PSD3: variants seen among roughly 807,000 people sequenced by gnomAD.
PSD3 encodes PH and SEC7 domain-containing protein 3.
PSD3 carries 49 observed loss-of-function variants against 105.5 expected under a neutral mutation model. That is an observed-to-expected ratio of 0.46 (90% CI 0.37 to 0.59). The LOEUF (loss-of-function observed/expected upper bound fraction) is 0.59. Among genes scored for constraint, PSD3 ranks in the 20% least tolerant of loss-of-function variants. The probability of loss-of-function intolerance (pLI) is 0.00; values close to 1 mark genes in which losing one functional copy is unlikely to be tolerated. For missense variants in PSD3, 1,561 were observed against 1,263.8 expected (o/e 1.24, Z -3.57); for synonymous variants, 557 against 457.8 (o/e 1.22, Z -2.77).
At chr8:18,704,530 G>T (rs1801777299) in intron 9 of PSD3, among the ~76,000 whole-genome samples, 2 of 152,264 alleles carry the variant, frequency 1.3e-5, no homozygotes, top group Admixed American at 1.3e-4. Context: ...TAGAGACAGG[G>T]TTTCCCCACG....
chr8:18,705,492 C>A (rs1050974174), intron 9 of PSD3, among the ~76,000 whole-genome samples: 1 of 136,482 alleles, frequency 7.3e-6, no homozygotes, highest in African/African-American at 2.9e-5. Context: ...GACCGTGCCA[C>A]TATACTTCAG....
At chr8:18,696,473 A>G (rs185460123) in intron 9 of PSD3, among the ~76,000 whole-genome samples, 5 of 152,336 alleles carry the variant, frequency 3.3e-5, no homozygotes, top group Admixed American at 3.3e-4. Context: ...TGCTCTTTCA[A>G]TTACTCTGTG....
chr8:18,673,606 G>A (rs1345462634), intron 9 of PSD3, among the ~76,000 whole-genome samples: 1 of 152,052 alleles, frequency 6.6e-6, no homozygotes, highest in Non-Finnish European at 1.5e-5. Context: ...CATTGTCCTG[G>A]GGATTCCCTC....
At chr8:19,008,507 T>C (rs1826803381) in intron 1 of PSD3, among the ~76,000 whole-genome samples, 2 of 152,216 alleles carry the variant, frequency 1.3e-5, no homozygotes, top group African/African-American at 2.4e-5. Context: ...ACTCTCCTAG[T>C]GTCCTATGAC....
chr8:18,990,193 T>A (rs768580879), intron 1 of PSD3, among the ~76,000 whole-genome samples: 1 of 152,232 alleles, frequency 6.6e-6, no homozygotes, highest in Non-Finnish European at 1.5e-5. Context: ...TCACAGGGCA[T>A]CCAGAGTGAT....
At chr8:18,789,921 T>A (rs1447986611) in intron 8 of PSD3, among the ~76,000 whole-genome samples, 1 of 152,148 alleles carries the variant, frequency 6.6e-6, no homozygotes, top group African/African-American at 2.4e-5. Context: ...AAGCTTACAG[T>A]GATAAGAAGA....
At chr8:18,669,295 C>A (rs1232038155) in intron 9 of PSD3, among the ~76,000 whole-genome samples, 1 of 152,198 alleles carries the variant, frequency 6.6e-6, no homozygotes, top group Non-Finnish European at 1.5e-5. Flanking sequence ...CCCAGTGGAA[C>A]ATGAAACCAC....
chr8:18,746,488 A>G (rs1011810469), intron 9 of PSD3, among the ~76,000 whole-genome samples: 56 of 152,316 alleles, frequency 3.7e-4, no homozygotes, highest in African/African-American at 1.2e-3. Flanking sequence ...GCTGGGGCAC[A>G]CCAGCGTGGC....
chr8:19,030,865 C>T (rs908533456), intron 1 of PSD3, among the ~76,000 whole-genome samples: 1 of 152,154 alleles, frequency 6.6e-6, no homozygotes, highest in East Asian at 1.9e-4. Flanking sequence ...GAAAAATATA[C>T]CTGGATAAGC....
At chr8:19,045,181 T>A (rs34973081) in intron 1 of PSD3, among the ~76,000 whole-genome samples, 37,712 of 151,100 alleles carry the variant, frequency 0.25, 5,744 homozygotes, top group Middle Eastern at 0.38. Context: ...CAAGACTCCA[T>A]CAAAAACAAA....
intron 9 of PSD3, among the ~76,000 whole-genome samples, chr8:18,726,487 C>A (rs1304823686): frequency 1.3e-5 from 2 of 152,180 alleles, no homozygotes; most frequent in Non-Finnish European, 2.9e-5. Flanking sequence ...GTTATTATAT[C>A]AAACCCTAAA....
chr8:19,001,444 C>T (rs1826388510), intron 1 of PSD3, among the ~76,000 whole-genome samples: 1 of 151,706 alleles, frequency 6.6e-6, no homozygotes, highest in South Asian at 2.1e-4. Flanking sequence ...CAGAGCGGTA[C>T]ATTTGTTGCA....
chr8:18,618,231 T>C (rs944577500), intron 11 of PSD3, among the ~76,000 whole-genome samples: 1 of 141,046 alleles, frequency 7.1e-6, no homozygotes, highest in African/African-American at 2.5e-5. Context: ...TGCTTCCAGG[T>C]GTCCTGCCCT....
At chr8:19,045,490 G>A (rs1237920050) in intron 1 of PSD3, among the ~76,000 whole-genome samples, 3 of 152,280 alleles carry the variant, frequency 2.0e-5, no homozygotes, top group Middle Eastern at 3.4e-3. Flanking sequence ...CAAACAATAA[G>A]CATTTCTAAG....
rs370180806 is a variant in PSD3 at position 18,790,504 on chromosome 8, A to G, written c.2082+8791T>C. Among the ~76,000 whole-genome samples the G allele has an allele frequency of 1.7e-3, 260 of 151,958 alleles. 3 individuals are homozygous for G. The highest frequency in any genetic ancestry group is 3.4e-3 in the Middle Eastern group (1 of 294). ...TTTTTAGTAGAGATGGGGTTTCACC[A>G]TGTTAGCCAGGATGGTCTCTATCTC... On this transcript the variant is annotated intron_variant, in intron 8 of 15. Transcript: ENST00000327040.
intron 9 of PSD3, among the ~76,000 whole-genome samples, chr8:18,680,131 A>G (rs1800298417): frequency 6.6e-6 from 1 of 152,222 alleles, no homozygotes; most frequent in Non-Finnish European, 1.5e-5. Flanking sequence ...CCATAAGTTA[A>G]AAATTAGTAC....
intron 8 of PSD3, among the ~76,000 whole-genome samples, chr8:18,782,543 C>T (rs1281691290): frequency 6.6e-6 from 1 of 152,134 alleles, no homozygotes; most frequent in Non-Finnish European, 1.5e-5. Flanking sequence ...CAGGCCAGTT[C>T]TTAGGCAACA....
intron 11 of PSD3, among the ~76,000 whole-genome samples, chr8:18,600,834 CA>C (rs1025647191): frequency 2.0e-5 from 3 of 152,148 alleles, no homozygotes; most frequent in African/African-American, 7.2e-5. Flanking sequence ...GCTCATGTAC[CA>C]GAGCCTTTAT....
intron 14 of PSD3, among the ~76,000 whole-genome samples, chr8:18,568,478 C>G (rs534543500): frequency 9.4e-5 from 13 of 138,486 alleles, no homozygotes; most frequent in Non-Finnish European, 2.0e-4. Context: ...TGAGGTGAGA[C>G]TCCAGAAGCA....
Sources: allele counts gnomAD v4.1 joint callset (sites outside exome capture counted in the v4.1 genomes callset), GRCh38; gene constraint gnomAD v4.1.1; transcripts MANE v1.5; gene names NCBI Gene and HGNC (gene_info 2026-07-23, HGNC 2026-07-21).